Variants in ATG5 observed in about 807,000 individuals in gnomAD.
ATG5 encodes autophagy protein 5.
A neutral mutation model predicts 36.5 loss-of-function variants in ATG5; 14 were observed. The ratio of observed to expected loss-of-function variants is 0.38; its 90% CI spans 0.25 to 0.60. ATG5 has a LOEUF of 0.60. Ranked by LOEUF, ATG5 falls within the 20% of genes least tolerant of loss-of-function variation. The pLI is 0.60. For synonymous variants in ATG5, 95 were observed against 101.5 expected (o/e 0.94, Z 0.38); for missense variants, 195 against 326.7 (o/e 0.60, Z 3.11).
At chr6:106,247,551 A>G (rs1003414727) in intron 6 of ATG5, among the ~76,000 whole-genome samples, 1 of 152,208 alleles carries the variant, frequency 6.6e-6, no homozygotes, top group African/African-American at 2.4e-5. Flanking sequence ...CACTGAAATC[A>G]TCGCTCCTGG....
chr6:106,232,794 T>C (rs572500611), intron 6 of ATG5, among the ~76,000 whole-genome samples: 2 of 152,316 alleles, frequency 1.3e-5, no homozygotes, highest in East Asian at 3.9e-4. Flanking sequence ...AACCCTTATA[T>C]TCTGCTTTCC....
At chr6:106,198,603 C>T (rs908379229) in intron 7 of ATG5, among the ~76,000 whole-genome samples, 1 of 151,928 alleles carries the variant, frequency 6.6e-6, no homozygotes, top group African/African-American at 2.4e-5. Flanking sequence ...ACAGTGAAAC[C>T]CTGTCTCTAC....
chr6:106,237,877 T>C (rs553501674), intron 6 of ATG5, among the ~76,000 whole-genome samples: 43 of 152,300 alleles, frequency 2.8e-4, no homozygotes, highest in African/African-American at 1.0e-3. Context: ...CATAAAGACA[T>C]AAGCACAGTA....
Position 106,261,759 on chromosome 6 carries a change from G to C in ATG5, c.479-13515C>G, listed in dbSNP as rs373567186. Among the ~76,000 whole-genome samples the C allele has an allele frequency of 8.5e-5, 13 of 152,314 alleles. No homozygotes were observed. In the South Asian group the frequency reaches 2.7e-3, roughly 32 times the overall value. Reference sequence around the variant, plus strand: ...AGTCAATAAATAGGGGTTTATTTTGGAGGTAGTATTGACAGAGCCTATTGT... The same window carrying C: ...AGTCAATAAATAGGGGTTTATTTTGCAGGTAGTATTGACAGAGCCTATTGT... On this transcript the variant is annotated intron_variant, in intron 5 of 7. Transcript: ENST00000369076.
At chr6:106,313,947 T>C (rs919877133) in intron 2 of ATG5, among the ~76,000 whole-genome samples, 1 of 152,240 alleles carries the variant, frequency 6.6e-6, no homozygotes, top group Non-Finnish European at 1.5e-5. Context: ...TTTTGTTTTA[T>C]GTTTATTATA....
chr6:106,320,625 G>GAGAAA (rs577427417), intron 1 of ATG5, among the ~76,000 whole-genome samples: 5 of 142,902 alleles, frequency 3.5e-5, no homozygotes, highest in Non-Finnish European at 6.2e-5. Context: ...AGGCTGTTCT[G>GAGAAA]AAAAAAAAAA....
intron 7 of ATG5, among the ~76,000 whole-genome samples, chr6:106,199,343 G>A (rs1158043623): frequency 1.3e-5 from 2 of 152,260 alleles, no homozygotes; most frequent in East Asian, 3.9e-4. Flanking sequence ...GGTACAGGGA[G>A]AACCAAAATG....
intron 5 of ATG5, among the ~76,000 whole-genome samples, chr6:106,258,272 T>C (rs1582620748): frequency 6.6e-6 from 1 of 151,602 alleles, no homozygotes; most frequent in Non-Finnish European, 1.5e-5. Context: ...GGGAGACTGA[T>C]ATGGGAAGAC....
At chr6:106,315,616 T>C (rs1333396038) in intron 2 of ATG5, among the ~76,000 whole-genome samples, 2 of 152,146 alleles carry the variant, frequency 1.3e-5, no homozygotes, top group Non-Finnish European at 2.9e-5. Context: ...ATCGTGTGTG[T>C]GTATGTGTGC....
intron 1 of ATG5, among the ~76,000 whole-genome samples, chr6:106,316,535 T>C (rs1419470813): frequency 2.0e-5 from 3 of 152,168 alleles, no homozygotes; most frequent in African/African-American, 7.2e-5. Context: ...ACAGTCAAAA[T>C]GAAACTGTAT....
intron 2 of ATG5, among the ~76,000 whole-genome samples, chr6:106,309,905 A>G (rs1263911897): frequency 6.6e-6 from 1 of 152,176 alleles, no homozygotes; most frequent in Non-Finnish European, 1.5e-5. Flanking sequence ...GTAGAAAACA[A>G]TATTAACTTA....
intron 6 of ATG5, among the ~76,000 whole-genome samples, chr6:106,214,496 T>C (rs1171257671): frequency 1.3e-5 from 2 of 152,204 alleles, no homozygotes; most frequent in East Asian, 1.9e-4. Context: ...GTCATTATTA[T>C]AGTCAGGGAC....
At chr6:106,274,056 G>A (rs1044302774) in intron 5 of ATG5, among the ~76,000 whole-genome samples, 2 of 152,080 alleles carry the variant, frequency 1.3e-5, no homozygotes, top group Non-Finnish European at 2.9e-5. Context: ...GTTAAACCTT[G>A]CGTTTATTTG....
intron 3 of ATG5, among the ~76,000 whole-genome samples, chr6:106,305,675 T>A (rs901113926): frequency 6.6e-6 from 1 of 152,218 alleles, no homozygotes; most frequent in South Asian, 2.1e-4. Context: ...TGCTTCTCTA[T>A]CCTTAAGACA....
chr6:106,221,943 G>A (rs990532503), intron 6 of ATG5, among the ~76,000 whole-genome samples: 6 of 152,018 alleles, frequency 3.9e-5, no homozygotes, highest in African/African-American at 1.5e-4. Context: ...CCAGGCTGGA[G>A]TGCAGTGGTG....
In ATG5 at chr6:106,305,944, C is replaced by T. The variant is rs892291358; in HGVS notation, c.236+2420G>A. On this transcript the variant is annotated intron_variant, in intron 3 of 7. Coordinates refer to ENST00000369076, the MANE Select transcript of ATG5 (RefSeq NM_004849.4). ...CATTTATGGCTCTGGAAGTTATTCA[C>T]GCCTCATATATATGGAGTACTTAAA... is the stretch of plus-strand genomic sequence containing the variant. Among the ~76,000 whole-genome samples, 4 of 152,058 alleles carry T rather than the reference C, an allele frequency of 2.6e-5. No homozygotes were observed. The East Asian group carries it at 5.8e-4, about 22-fold the overall frequency.
At chr6:106,325,206 CTG>C (rs1771242809) in intron 1 of ATG5, 1 of 152,282 alleles carries the variant, frequency 6.6e-6, no homozygotes, top group Admixed American at 6.5e-5. Flanking sequence ...GTTTAAATAA[CTG>C]TGTTCCACAA....
intron 7 of ATG5, among the ~76,000 whole-genome samples, chr6:106,191,344 GT>G (rs1775960994): frequency 6.6e-6 from 1 of 152,020 alleles, no homozygotes; most frequent in Non-Finnish European, 1.5e-5. Context: ...CATCTCCTAA[GT>G]TCTGCTTGCT....
chr6:106,284,056 T>A lies in ATG5; in HGVS notation c.316-4233A>T, dbSNP rs180869468. On this transcript the variant is annotated intron_variant, in intron 4 of 7. Coordinates refer to ENST00000369076, the MANE Select transcript of ATG5 (RefSeq NM_004849.4). ...TCCATTGTAAGGATACATACAGTAT[T>A]TTGTTTATTCATCAGCTGATGGACA... 5.3e-5 allele frequency among the ~76,000 whole-genome samples: 8 copies of A among 152,342 alleles called. No homozygotes were observed. The East Asian group carries it at 1.5e-3, about 29-fold the overall frequency.
Sources: gnomAD v4.1 joint callset for allele counts (sites outside exome capture counted in the v4.1 genomes callset) on GRCh38, gnomAD v4.1.1 for gene constraint, MANE v1.5 for transcripts, NCBI Gene and HGNC (gene_info 2026-07-23, HGNC 2026-07-21) for gene names.